The following MITF variants were observed in gnomAD, a reference collection of about 807,000 sequenced individuals.
The protein encoded by MITF is melanocyte inducing transcription factor, also known as microphthalmia-associated transcription factor.
A neutral mutation model predicts 60.5 loss-of-function variants in MITF; 17 were observed. That is an observed-to-expected ratio of 0.28 (90% CI 0.19 to 0.42). MITF has a LOEUF of 0.42. Ranked by LOEUF, MITF falls within the 10% of genes least tolerant of loss-of-function variation. MITF has a pLI of 1.00. For synonymous variants in MITF, 260 were observed against 248.5 expected, an observed-to-expected ratio of 1.05 and a Z score of -0.43; for missense variants, 622 against 683.5, an observed-to-expected ratio of 0.91 and a Z score of 1.00.
At chr3:69,845,157 A>G (rs1412873913) in intron 1 of MITF, among the ~76,000 whole-genome samples, 1 of 151,842 alleles carries the variant, frequency 6.6e-6, no homozygotes, top group Non-Finnish European at 1.5e-5. Context: ...TTCTTCATCC[A>G]CTTATATTAA....
intron 1 of MITF, among the ~76,000 whole-genome samples, chr3:69,838,213 C>T (rs1021091949): frequency 1.3e-5 from 2 of 152,084 alleles, no homozygotes; most frequent in Admixed American, 6.5e-5. Flanking sequence ...GTAGGCTATG[C>T]GTTTCACATT....
At chr3:69,794,448 T>A (rs1042062098) in intron 1 of MITF, among the ~76,000 whole-genome samples, 4 of 152,206 alleles carry the variant, frequency 2.6e-5, no homozygotes, top group African/African-American at 4.8e-5. Context: ...ACTGTAAAGA[T>A]GACCTGATGA....
At chr3:69,879,698 C>T (rs983032173) in intron 2 of MITF, among the ~76,000 whole-genome samples, 2 of 152,162 alleles carry the variant, frequency 1.3e-5, no homozygotes, top group Middle Eastern at 3.2e-3. Context: ...AGGTGGGCCT[C>T]TTCTGATAAT....
In MITF at chr3:69,965,081, A is replaced by T; in HGVS notation, c.1414A>T (p.Ser472Cys). The T allele has an allele frequency of 6.2e-7, 1 of 1,614,166 alleles. No homozygotes were observed. Among genetic ancestry groups the T allele is most frequent in the Non-Finnish European group, 8.5e-7 (1 of 1,180,032 alleles). ...GTGTEANQAY[S>C]VPTKMGSKLE... ...TGGGACTGAGGCCAACCAAGCCTAT[A>T]GTGTCCCCACAAAAATGGGATCCAA... The change falls in exon 10 of 10, where the codon AGT (serine) becomes TGT (cysteine). Residue 472 changes from serine to cysteine, a missense_variant. Around this residue, in one of 5 missense-constraint regions of MITF, gnomAD observed 224 missense variants for 209.5 expected, o/e 1.07. Transcript: ENST00000352241.
At chr3:69,833,093 T>C (rs2063477829) in intron 1 of MITF, among the ~76,000 whole-genome samples, 1 of 152,242 alleles carries the variant, frequency 6.6e-6, no homozygotes, top group African/African-American at 2.4e-5. Context: ...GTTGTTTCCC[T>C]GTTTATACTG....
intron 1 of MITF, among the ~76,000 whole-genome samples, chr3:69,859,444 C>A (rs981329696): frequency 3.9e-5 from 6 of 152,128 alleles, no homozygotes; most frequent in African/African-American, 1.4e-4. Context: ...TTATCTCAGT[C>A]CCTTCTTCTG....
At chr3:69,947,826 T>G (rs1229213273) in intron 5 of MITF, among the ~76,000 whole-genome samples, 1 of 152,148 alleles carries the variant, frequency 6.6e-6, no homozygotes, top group Non-Finnish European at 1.5e-5. Context: ...ATAGAGTATA[T>G]GTTTAGAGGC....
intron 2 of MITF, among the ~76,000 whole-genome samples, chr3:69,897,675 G>A (rs2064906684): frequency 6.6e-6 from 1 of 152,160 alleles, no homozygotes; most frequent in Admixed American, 6.5e-5. Context: ...GCTGACTGCT[G>A]ATCTGTGTGT....
At chr3:69,872,830 G>T (rs935204421) in intron 1 of MITF, among the ~76,000 whole-genome samples, 18 of 152,132 alleles carry the variant, frequency 1.2e-4, no homozygotes, top group Admixed American at 3.3e-4. Context: ...GTGTGTGATT[G>T]GTGGTTCTTA....
At chr3:69,774,128 A>C (rs1174261741) in intron 1 of MITF, among the ~76,000 whole-genome samples, 1 of 152,274 alleles carries the variant, frequency 6.6e-6, no homozygotes, top group Middle Eastern at 3.4e-3. Context: ...TCTTCATACC[A>C]ATATCCTTTA....
chr3:69,818,230 G>A (rs1258917947), intron 1 of MITF, among the ~76,000 whole-genome samples: 2 of 152,178 alleles, frequency 1.3e-5, no homozygotes, highest in Non-Finnish European at 2.9e-5. Flanking sequence ...GACCTAGGAA[G>A]CCTGCTTCCC....
At chr3:69,926,473 G>GAGAAGGAGT (rs2065589287) in intron 2 of MITF, among the ~76,000 whole-genome samples, 1 of 152,158 alleles carries the variant, frequency 6.6e-6, no homozygotes, top group African/African-American at 2.4e-5. Flanking sequence ...TCTTAAGAGT[G>GAGAAGGAGT]TCGGTACTTA....
At chr3:69,942,041 G>A (rs949526675) in intron 5 of MITF, among the ~76,000 whole-genome samples, 2 of 152,136 alleles carry the variant, frequency 1.3e-5, no homozygotes, top group Non-Finnish European at 2.9e-5. Context: ...CATAGCTTGG[G>A]TGTATCAGAG....
chr3:69,803,519 G>T (rs1399613464), intron 1 of MITF, among the ~76,000 whole-genome samples: 1 of 152,068 alleles, frequency 6.6e-6, no homozygotes, highest in African/African-American at 2.4e-5. Context: ...GAAATAGTTT[G>T]CTGGGTTTTG....
At chr3:69,818,206 A>C (rs1477285935) in intron 1 of MITF, among the ~76,000 whole-genome samples, 1 of 152,220 alleles carries the variant, frequency 6.6e-6, no homozygotes, top group Non-Finnish European at 1.5e-5. Flanking sequence ...GACAAAGTTC[A>C]TGCAACTTAA....
At chr3:69,922,515 C>T (rs776665265) in intron 2 of MITF, among the ~76,000 whole-genome samples, 3 of 152,104 alleles carry the variant, frequency 2.0e-5, no homozygotes, top group South Asian at 2.1e-4. Context: ...CCACCACACC[C>T]GGCCGCCATT....
intron 1 of MITF, among the ~76,000 whole-genome samples, chr3:69,749,918 T>C (rs773139294): frequency 1.5e-4 from 23 of 152,188 alleles, no homozygotes; most frequent in Non-Finnish European, 3.1e-4. Context: ...AATGATAGGA[T>C]TTTGGAAGGT....
At chr3:69,950,722 C>A (rs569725884) in intron 6 of MITF, among the ~76,000 whole-genome samples, 29 of 151,480 alleles carry the variant, frequency 1.9e-4, no homozygotes, top group African/African-American at 6.5e-4. Context: ...TAGTGTAATG[C>A]TTCAGCTATC....
chr3:69,752,949 A>G (rs757275513), intron 1 of MITF, among the ~76,000 whole-genome samples: 1 of 152,230 alleles, frequency 6.6e-6, no homozygotes, highest in Non-Finnish European at 1.5e-5. Context: ...AAGTAATTCA[A>G]GCAGGCTACA....
Sources: gnomAD v4.1 joint callset for allele counts (sites outside exome capture counted in the v4.1 genomes callset) on GRCh38, gnomAD v4.1.1 for gene constraint, gnomAD v4.1.1 regional missense constraint, MANE v1.5 for transcripts, NCBI Gene and HGNC (gene_info 2026-07-23, HGNC 2026-07-21) for gene names.